The following GALNTL6 variants were observed in gnomAD, a reference collection of about 807,000 sequenced individuals.
GALNTL6 encodes the protein polypeptide N-acetylgalactosaminyltransferase-like 6.
In GALNTL6, 46 loss-of-function variants were observed where a neutral mutation model predicts 73.7. That is an observed-to-expected ratio of 0.62 (90% CI 0.49 to 0.80). The LOEUF (loss-of-function observed/expected upper bound fraction) is 0.80, where lower values mean the gene tolerates loss of function less well. Among genes scored for constraint, GALNTL6 ranks in the 30% least tolerant of loss-of-function variants. The pLI is 0.00. For missense variants in GALNTL6, 604 were observed against 755.0 expected (o/e 0.80, Z 2.34); for synonymous variants, 259 against 263.7 (o/e 0.98, Z 0.17).
chr4:172,410,496 G>C (rs943104081), intron 5 of GALNTL6, among the ~76,000 whole-genome samples: 4 of 151,962 alleles, frequency 2.6e-5, no homozygotes, highest in Admixed American at 1.3e-4. Flanking sequence ...TGCATTGCAG[G>C]GAGATTTAGT....
At chr4:172,473,342 C>T (rs1486229177) in intron 5 of GALNTL6, among the ~76,000 whole-genome samples, 1 of 152,172 alleles carries the variant, frequency 6.6e-6, no homozygotes, top group African/African-American at 2.4e-5. Context: ...GACTCCACTG[C>T]TTGTATCAGC....
chr4:171,851,248 C>T (rs1167099362), intron 2 of GALNTL6, among the ~76,000 whole-genome samples: 1 of 152,178 alleles, frequency 6.6e-6, no homozygotes, highest in Admixed American at 6.5e-5. Context: ...ACAAACTTAG[C>T]TCATCACTGG....
intron 5 of GALNTL6, among the ~76,000 whole-genome samples, chr4:172,717,552 T>C (rs1735181261): frequency 6.6e-6 from 1 of 152,136 alleles, no homozygotes; most frequent in Non-Finnish European, 1.5e-5. Context: ...GAATGCCTAT[T>C]TTAGGGTTGA....
intron 2 of GALNTL6, among the ~76,000 whole-genome samples, chr4:172,075,966 G>C (rs56703675): frequency 0.48 from 72,455 of 152,080 alleles, 17,635 homozygotes; most frequent in Admixed American, 0.5. Flanking sequence ...GCTCTTTAAT[G>C]TATTCACACA....
At chr4:172,259,220 C>T (rs921005860) in intron 3 of GALNTL6, among the ~76,000 whole-genome samples, 1 of 151,454 alleles carries the variant, frequency 6.6e-6, no homozygotes, top group African/African-American at 2.4e-5. Flanking sequence ...TATATTCCCA[C>T]CAACAGTGTA....
chr4:172,590,032 C>A (rs1452396510), intron 5 of GALNTL6, among the ~76,000 whole-genome samples: 1 of 152,176 alleles, frequency 6.6e-6, no homozygotes, highest in Non-Finnish European at 1.5e-5. Context: ...TGGTACTTGT[C>A]TTTACTATTA....
At chr4:171,826,111 C>T (rs190176778) in intron 2 of GALNTL6, among the ~76,000 whole-genome samples, 50 of 152,294 alleles carry the variant, frequency 3.3e-4, no homozygotes, top group African/African-American at 9.9e-4. Context: ...TCCACATTTT[C>T]CTATTCAGCT....
intron 3 of GALNTL6, among the ~76,000 whole-genome samples, chr4:172,230,922 T>C (rs1015745037): frequency 3.9e-5 from 6 of 152,180 alleles, no homozygotes; most frequent in Non-Finnish European, 8.8e-5. Flanking sequence ...CTGTGAAATG[T>C]TCGTAGCTCT....
At chr4:172,819,074 C>T (rs1741780214) in intron 7 of GALNTL6, among the ~76,000 whole-genome samples, 1 of 152,220 alleles carries the variant, frequency 6.6e-6, no homozygotes. Flanking sequence ...ATGAAAGATC[C>T]TCTGACATGG....
intron 2 of GALNTL6, among the ~76,000 whole-genome samples, chr4:172,197,831 C>T (rs976595112): frequency 6.6e-5 from 10 of 151,988 alleles, no homozygotes; most frequent in African/African-American, 1.7e-4. Flanking sequence ...AAAACTAGGC[C>T]GGACGCGGTG....
intron 2 of GALNTL6, among the ~76,000 whole-genome samples, chr4:171,898,388 A>G (rs116668035): frequency 0.012 from 1,828 of 152,274 alleles, 42 homozygotes; most frequent in African/African-American, 0.042. Flanking sequence ...ACACATACCT[A>G]TAAAAAGATG....
At chr4:171,847,742 G>A (rs192503457) in intron 2 of GALNTL6, among the ~76,000 whole-genome samples, 2 of 152,208 alleles carry the variant, frequency 1.3e-5, no homozygotes, top group Admixed American at 6.5e-5. Context: ...ATCCCTTCAC[G>A]TTTTATCATG....
chr4:172,954,141 G>A (rs1297037118), intron 10 of GALNTL6, among the ~76,000 whole-genome samples: 1 of 152,188 alleles, frequency 6.6e-6, no homozygotes, highest in Non-Finnish European at 1.5e-5. Context: ...TCTGCCTTAT[G>A]TGGATATGTG....
rs144409174 is a variant in GALNTL6 at position 172,433,295 on chromosome 4, T to C, written c.553+84606T>C. Among the ~76,000 whole-genome samples, 656 of 152,242 alleles carry C rather than the reference T, an allele frequency of 4.3e-3. 6 individuals are homozygous for C. The highest frequency in any genetic ancestry group is 2.9e-3 in the Non-Finnish European group (194 of 68,006). On this transcript the variant is annotated intron_variant, in intron 5 of 12. Transcript: ENST00000506823. ...ATTTTTTTAATGGAAAGAAAGCTTG[T>C]CTAAAGGGTAAATTGCCAAAAGGAT...
At chr4:172,467,355 A>C (rs1732860265) in intron 5 of GALNTL6, among the ~76,000 whole-genome samples, 1 of 152,240 alleles carries the variant, frequency 6.6e-6, no homozygotes, top group African/African-American at 2.4e-5. Flanking sequence ...GCTACTCAGT[A>C]AATTTCGTAG....
At chr4:171,906,328 C>T (rs1297031809) in intron 2 of GALNTL6, among the ~76,000 whole-genome samples, 12 of 151,390 alleles carry the variant, frequency 7.9e-5, no homozygotes, top group Admixed American at 7.2e-4. Flanking sequence ...ACCGATCCCA[C>T]AGAAATACAA....
chr4:171,828,988 A>G (rs1262032735), intron 2 of GALNTL6, among the ~76,000 whole-genome samples: 1 of 152,170 alleles, frequency 6.6e-6, no homozygotes, highest in Non-Finnish European at 1.5e-5. Context: ...TTACTGTAAT[A>G]GAGTATATAA....
At chr4:172,587,657 C>T (rs969768295) in intron 5 of GALNTL6, among the ~76,000 whole-genome samples, 6 of 152,188 alleles carry the variant, frequency 3.9e-5, no homozygotes, top group Non-Finnish European at 8.8e-5. Context: ...ACCTTCCACG[C>T]CTGCTTTTCT....
intron 2 of GALNTL6, among the ~76,000 whole-genome samples, chr4:172,087,444 C>CA (rs70941381): frequency 1.7e-4 from 17 of 100,564 alleles, no homozygotes; most frequent in African/African-American, 7.1e-4. Flanking sequence ...GACTCCATCC[C>CA]AAAAAAAAAA....
Sources: gnomAD v4.1 joint callset for allele counts (sites outside exome capture counted in the v4.1 genomes callset) on GRCh38, gnomAD v4.1.1 for gene constraint, MANE v1.5 for transcripts, NCBI Gene and HGNC (gene_info 2026-07-23, HGNC 2026-07-21) for gene names.